Variants in DRC8 observed in about 807,000 individuals in gnomAD.
DRC8 encodes dynein regulatory complex subunit 8, also known as dynein regulatory complex protein 8.
the DRC8 span, among the ~76,000 whole-genome samples, chr1:245,085,744 G>T: frequency 6.6e-6 from 1 of 152,214 alleles, no homozygotes; most frequent in African/African-American, 2.4e-5. Context: ...AGATGCATAA[G>T]AAAGAGGTTG....
the DRC8 span, among the ~76,000 whole-genome samples, chr1:245,046,621 G>A: frequency 6.6e-6 from 1 of 152,274 alleles, no homozygotes; most frequent in South Asian, 2.1e-4. Flanking sequence ...CTCTAGCCCC[G>A]TATTTCAGAA....
the DRC8 span, among the ~76,000 whole-genome samples, chr1:245,107,005 T>C: frequency 5.9e-5 from 9 of 152,070 alleles, no homozygotes; most frequent in South Asian, 8.3e-4. Context: ...GATTGCGCCA[T>C]TGCACTCCAG....
the DRC8 span, among the ~76,000 whole-genome samples, chr1:244,983,697 G>T: frequency 7.3e-6 from 1 of 136,310 alleles, no homozygotes; most frequent in Non-Finnish European, 1.5e-5. Context: ...CCAAGGTCAT[G>T]CCATTGTACT....
At chr1:245,017,274 A>C in the DRC8 span, 1 of 1,610,354 alleles carries the variant, frequency 6.2e-7, no homozygotes, top group African/African-American at 1.3e-5. Flanking sequence ...CAAAAAAATC[A>C]AAGAGGCATT....
the DRC8 span, among the ~76,000 whole-genome samples, chr1:245,026,477 G>T: frequency 6.6e-6 from 1 of 152,214 alleles, no homozygotes; most frequent in Admixed American, 6.5e-5. Context: ...GAGCAATGTG[G>T]AGAGATTGCA....
the DRC8 span, among the ~76,000 whole-genome samples, chr1:244,985,076 G>GTTTTTTTTTTTTTTTTTTTTTT: frequency 2.3e-5 from 3 of 130,806 alleles, no homozygotes; most frequent in African/African-American, 6.2e-5. Context: ...TGTCTCCAGG[G>GTTTTTTTTTTTTTTTTTTTTTT]TTTTTTTTTT....
At chr1:244,973,648 A>G in the DRC8 span, among the ~76,000 whole-genome samples, 1 of 152,208 alleles carries the variant, frequency 6.6e-6, no homozygotes, top group Admixed American at 6.5e-5. Context: ...TCACAGTGCC[A>G]CGGTATTCAC....
chr1:244,985,128 G>A, the DRC8 span, among the ~76,000 whole-genome samples: 1 of 135,046 alleles, frequency 7.4e-6, no homozygotes, highest in Admixed American at 8.1e-5. Context: ...CACCATTCAC[G>A]CATTCTACAC....
the DRC8 span, among the ~76,000 whole-genome samples, chr1:245,012,496 T>TTTTTTTTTTTTTTTTTTTTGAGACGG: frequency 6.6e-6 from 1 of 151,410 alleles, no homozygotes; most frequent in African/African-American, 2.5e-5. Context: ...TGAAAGATTT[T>TTTTTTTTTTTTTTTTTTTTGAGACGG]AATTAATACA....
the DRC8 span, chr1:245,121,955 G>C: frequency 2.2e-5 from 9 of 417,446 alleles, no homozygotes; most frequent in Non-Finnish European, 3.7e-5. Context: ...CTGAAGTGCA[G>C]TGGCGTGATC....
chr1:245,037,158 A>T, the DRC8 span, among the ~76,000 whole-genome samples: 1 of 152,256 alleles, frequency 6.6e-6, no homozygotes, highest in Non-Finnish European at 1.5e-5. Context: ...TTCAGAGAAT[A>T]CAAAGTAAGT....
the DRC8 span, among the ~76,000 whole-genome samples, chr1:245,047,906 C>G: frequency 7.1e-6 from 1 of 140,184 alleles, no homozygotes. Context: ...ACCCCAGAGG[C>G]GGAGGTTGCA....
At chr1:245,010,423 C>T in the DRC8 span, among the ~76,000 whole-genome samples, 3 of 152,112 alleles carry the variant, frequency 2.0e-5, no homozygotes, top group Non-Finnish European at 2.9e-5. Flanking sequence ...AGGAGAAGAC[C>T]ACATGATATG....
the DRC8 span, among the ~76,000 whole-genome samples, chr1:245,121,693 G>A: frequency 8.5e-4 from 129 of 152,132 alleles, 1 homozygote; most frequent in Admixed American, 1.1e-3. Flanking sequence ...GGAGAGGTAC[G>A]GATCTGAACC....
chr1:245,112,670 A>G, the DRC8 span, among the ~76,000 whole-genome samples: 1 of 151,974 alleles, frequency 6.6e-6, no homozygotes, highest in Non-Finnish European at 1.5e-5. Context: ...TGCAGCCATC[A>G]CCCTGATCCT....
At chr1:245,087,029 C>T in the DRC8 span, 1 of 661,348 alleles carries the variant, frequency 1.5e-6, no homozygotes, top group South Asian at 1.9e-5. Flanking sequence ...TCTATGACAT[C>T]TGCAGGCTAA....
At chr1:245,051,842 AAG>A in the DRC8 span, among the ~76,000 whole-genome samples, 2 of 152,218 alleles carry the variant, frequency 1.3e-5, no homozygotes, top group South Asian at 2.1e-4. Flanking sequence ...ACGAAAAACT[AAG>A]AGGGAGATTT....
chr1:245,015,156 C>T, the DRC8 span, among the ~76,000 whole-genome samples: 2 of 152,082 alleles, frequency 1.3e-5, no homozygotes, highest in East Asian at 1.9e-4. Flanking sequence ...CTGGTTCTGT[C>T]GCCAGGCTGG....
chr1:245,082,077 G>A, the DRC8 span: 4 of 1,603,610 alleles, frequency 2.5e-6, no homozygotes, highest in South Asian at 1.1e-5. Flanking sequence ...CTTATTGAAT[G>A]TTTAGGTAGA....
Sources: gnomAD v4.1 joint callset for allele counts (sites outside exome capture counted in the v4.1 genomes callset) on GRCh38, gnomAD v4.1.1 for gene constraint, MANE v1.5 for transcripts, NCBI Gene and HGNC (gene_info 2026-07-23, HGNC 2026-07-21) for gene names.